The following WDR33 variants were observed in gnomAD, a reference collection of about 807,000 sequenced individuals.
The protein encoded by WDR33 is WD repeat domain 33.
Under a neutral mutation model 164.9 loss-of-function variants are expected in WDR33, and 47 were observed. The observed-to-expected ratio is 0.29, with a 90% CI of 0.23 to 0.36. The LOEUF (loss-of-function observed/expected upper bound fraction) is 0.36, where lower values mean the gene tolerates loss of function less well. WDR33 is among the 10% of genes least tolerant of loss of function. WDR33 has a pLI of 1.00. For missense variants in WDR33, 1,137 were observed against 1,754.1 expected (o/e 0.65, Z 6.28); for synonymous variants, 505 against 589.0 (o/e 0.86, Z 2.06).
At position 127,719,360 on chromosome 2, in the gene WDR33, G is replaced by A; in HGVS notation, c.2665C>T (p.Pro889Ser). The A allele has an allele frequency of 6.6e-7, 1 of 1,510,794 alleles. No individual in the cohort carries two copies. Among genetic ancestry groups the A allele is most frequent in the Non-Finnish European group, 8.8e-7 (1 of 1,130,976 alleles). The allele number at this position is 1,510,794 out of a possible 1,614,324, so 93.6% of individuals were successfully genotyped here. ...TGAGATGGATGTGGCCCTCTTGCTG[G>A]GTTCTGCTGTCCCTGAGGTCCGGGG... ...GPPGPQGQQN[P>S]ARGPHPSQGP... Residue 889 changes from proline to serine, a missense_variant, in exon 16 of 22, where the codon CCA becomes TCA. By Grantham distance (74) the Pro-to-Ser change is moderately conservative. Around this residue, in one of 9 missense-constraint regions of WDR33, gnomAD observed 867 missense variants for 1,073.0 expected, o/e 0.81. Coordinates refer to ENST00000322313, the MANE Select transcript of WDR33 (RefSeq NM_018383.5). The surrounding 1 kb of genome is among the most constrained non-coding windows in gnomAD (Gnocchi z 6.5).
Position 127,779,552 on chromosome 2 carries a change from T to G in WDR33, c.-23-8548A>C, listed in dbSNP as rs1688300925. ...TGTGCAACTACTGTTTCTATTGTGT[T>G]TGTGTGTATGCATACAGGGTCACAA... On this transcript the variant is annotated intron_variant, in intron 1 of 21. Coordinates refer to ENST00000322313, the MANE Select transcript of WDR33 (RefSeq NM_018383.5). Among the ~76,000 whole-genome samples the G allele has an allele frequency of 2.0e-5, 3 of 152,214 alleles. No individual in the cohort carries two copies. The South Asian group carries it at 6.2e-4, about 31-fold the overall frequency.
rs771528012 is a variant in WDR33, at chr2:127,708,883, T to G, written c.3575A>C (p.His1192Pro). The G allele has an allele frequency of 6.4e-7, 1 of 1,565,142 alleles. No individual in the cohort carries two copies. The highest frequency in any genetic ancestry group is 8.7e-7 in the Non-Finnish European group (1 of 1,150,924). Residue 1192 changes from histidine (H) to proline (P), a missense_variant, in exon 21 of 22, where the codon CAT becomes CCT. Around this residue, in one of 9 missense-constraint regions of WDR33, gnomAD observed 867 missense variants for 1,073.0 expected, o/e 0.81. Transcript: ENST00000322313. This position sits in a 1 kb window ranked among gnomAD's most constrained non-coding sequence, Gnocchi z 6.7. The stretch of plus-strand genomic sequence containing the variant: ...GCGGGGAGTATCACGAAAATGTTCA[T>G]GACCTGGCCCTGAAACAAGAAACAA... The part of the protein sequence containing the change: ...WDGNREPGPG[H>P]EHFRDTPRPD...
chr2:127,763,400 A>G lies in WDR33; in HGVS notation c.627-241T>C. ...AGTATTCTGAGAACTTCAAGTGTGT[A>G]TTATTAGTGCTAATGCTATCCATGT... On this transcript the variant is annotated intron_variant, in intron 6 of 21. Transcript: ENST00000322313. This position sits in a 1 kb window ranked among gnomAD's most constrained non-coding sequence, Gnocchi z 4.5. The G allele has an allele frequency of 7.5e-7, 1 of 1,332,828 alleles. No individual in the cohort carries two copies. The highest frequency in any genetic ancestry group is 9.6e-7 in the Non-Finnish European group (1 of 1,037,216). The allele number at this position is 1,332,828 out of a possible 1,614,324, so 82.6% of individuals were successfully genotyped here.
Position 127,717,061 on chromosome 2 carries a change from A to C in WDR33, c.2869+94T>G. The C allele has an allele frequency of 7.9e-7, 1 of 1,266,996 alleles. No homozygotes were observed. Among genetic ancestry groups the C allele is most frequent in the Non-Finnish European group, 1.1e-6 (1 of 889,632 alleles). The allele number at this position is 1,266,996 out of a possible 1,614,324, so 78.5% of individuals were successfully genotyped here. The stretch of plus-strand genomic sequence containing the variant: ...ATTTTGCCCAGAGGTTCAAATGACC[A>C]GTCTATCAATGACTGGCCAACAAAA... On this transcript the variant is annotated intron_variant, in intron 17 of 21. Coordinates refer to ENST00000322313, the MANE Select transcript of WDR33 (RefSeq NM_018383.5). This position sits in a 1 kb window ranked among gnomAD's most constrained non-coding sequence, Gnocchi z 5.6.
intron 18 of WDR33, among the ~76,000 whole-genome samples, chr2:127,711,981 C>T (rs1201132470): frequency 1.4e-5 from 2 of 146,702 alleles, no homozygotes; most frequent in African/African-American, 5.0e-5. Flanking sequence ...ACCATGTTGG[C>T]CAGGCTGGTC....
chr2:127,794,758 C>T (rs1325381030), intron 1 of WDR33, among the ~76,000 whole-genome samples: 2 of 141,766 alleles, frequency 1.4e-5, no homozygotes, highest in Non-Finnish European at 3.0e-5. Context: ...TGCTTGAACC[C>T]AGGAGGCAGA....
At chr2:127,737,077 G>A in intron 7 of WDR33, 1 of 985,360 alleles carries the variant, frequency 1.0e-6, no homozygotes, top group South Asian at 4.7e-5. Context: ...TTTGCAGTAT[G>A]TTTTGTGCTA....
chr2:127,717,340 A>G lies in WDR33; in HGVS notation c.2761-77T>C. ...TAAATAGTGATTGCATTATAACATGACAAGATAAAAATACCCAGTAAATAT... is the reference window on the plus strand; with the variant it reads ...TAAATAGTGATTGCATTATAACATGGCAAGATAAAAATACCCAGTAAATAT... On this transcript the variant is annotated intron_variant, in intron 16 of 21. Coordinates refer to ENST00000322313, the MANE Select transcript of WDR33 (RefSeq NM_018383.5). This position sits in a 1 kb window ranked among gnomAD's most constrained non-coding sequence, Gnocchi z 5.6. The G allele has an allele frequency of 8.1e-7, 1 of 1,234,648 alleles. No homozygotes were observed. The highest frequency in any genetic ancestry group is 1.5e-5 in the South Asian group (1 of 64,532). 76.5% of individuals were successfully genotyped at this position (1,234,648 alleles called of 1,614,324 possible).
chr2:127,802,146 G>A (rs1689271564), intron 1 of WDR33, among the ~76,000 whole-genome samples: 3 of 151,282 alleles, frequency 2.0e-5, no homozygotes, highest in African/African-American at 7.3e-5. Flanking sequence ...CCAGCCTGGA[G>A]GAGAGAGCAA....
intron 1 of WDR33, among the ~76,000 whole-genome samples, chr2:127,789,835 T>TA (rs1251374912): frequency 3.6e-4 from 55 of 151,332 alleles, no homozygotes; most frequent in African/African-American, 1.1e-3. Flanking sequence ...ACTGGTTTGC[T>TA]AAAAAAAAAT....
Position 127,763,250 on chromosome 2 carries a change from C to T in WDR33, c.627-91G>A. 1 of 1,591,312 alleles carries T rather than the reference C, an allele frequency of 6.3e-7. No homozygotes were observed. Among genetic ancestry groups the T allele is most frequent in the Non-Finnish European group, 8.6e-7 (1 of 1,167,536 alleles). On this transcript the variant is annotated intron_variant, in intron 6 of 21. Transcript: ENST00000322313. This position sits in a 1 kb window ranked among gnomAD's most constrained non-coding sequence, Gnocchi z 4.5. The stretch of plus-strand genomic sequence containing the variant: ...GACAGGGAAAAATAAAAACACTGTG[C>T]TGCATTATAAACAGGAGAGGGAAGA...
At chr2:127,788,033 C>T (rs1688662286) in intron 1 of WDR33, among the ~76,000 whole-genome samples, 1 of 86,434 alleles carries the variant, frequency 1.2e-5, no homozygotes, top group African/African-American at 6.1e-5. Context: ...ACACCCCCCA[C>T]CTCCCTCCCG....
In WDR33 at chr2:127,787,171, G is replaced by A. The variant is rs550940997; in HGVS notation, c.-23-16167C>T. 9.1e-3 allele frequency among the ~76,000 whole-genome samples: 831 copies of A among 91,404 alleles called. 11 individuals are homozygous for A. Among genetic ancestry groups the A allele is most frequent in the Non-Finnish European group, 0.014 (679 of 47,094 alleles). The allele number at this position is 91,404 out of a possible 152,430, so 60.0% of individuals were successfully genotyped here. ...ACATGTTTCAGAGAGCACAGGGTTG[G>A]GGGTAAGGTCACAGATCAACAGGAT... On this transcript the variant is annotated intron_variant, in intron 1 of 21. Transcript: ENST00000322313.
chr2:127,743,785 T>C (rs1226619094), intron 7 of WDR33, among the ~76,000 whole-genome samples: 3 of 152,192 alleles, frequency 2.0e-5, no homozygotes, highest in African/African-American at 7.2e-5. Context: ...CAATTCATTA[T>C]GACAAAAACG....
chr2:127,734,424 T>C (rs2105394693), intron 7 of WDR33, among the ~76,000 whole-genome samples: 1 of 152,346 alleles, frequency 6.6e-6, no homozygotes, highest in South Asian at 2.1e-4. Flanking sequence ...TAGATTAACC[T>C]GTGTCTAATA....
chr2:127,720,311 T>G lies in WDR33; in HGVS notation c.1714A>C (p.Ile572Leu). ...GTGCCAGATGAGGGAGGAGGCTGAA[T>G]TTGCTCAACTTGTTTCTGTGCAAGT... ...ERLAQKQVEQ[I>L]QPPPSSGTPL... Residue 572 changes from isoleucine to leucine, a missense_variant, in exon 16 of 22, where the codon ATT becomes CTT. Around this residue, in one of 9 missense-constraint regions of WDR33, gnomAD observed 867 missense variants for 1,073.0 expected, o/e 0.81. Transcript: ENST00000322313. This position sits in a 1 kb window ranked among gnomAD's most constrained non-coding sequence, Gnocchi z 5.9. 6.6e-7 allele frequency: 1 copy of G among 1,514,220 alleles called. No homozygotes were observed. The highest frequency in any genetic ancestry group is 8.8e-7 in the Non-Finnish European group (1 of 1,132,366). The allele number at this position is 1,514,220 out of a possible 1,614,324, so 93.8% of individuals were successfully genotyped here. A position where few individuals can be genotyped will look rare whatever the true frequency, so the allele number is the denominator to read the frequency against.
rs1371568303 is a variant in WDR33 at position 127,717,454 on chromosome 2, A to G, written c.2761-191T>C. Among the ~76,000 whole-genome samples, 1 of 152,238 alleles carries G rather than the reference A, an allele frequency of 6.6e-6. No individual in the cohort carries two copies. Among genetic ancestry groups the G allele is most frequent in the African/African-American group, 2.4e-5 (1 of 41,468 alleles). The stretch of plus-strand genomic sequence containing the variant: ...ATAATAATTTTTTTAAAGCACCTGT[A>G]TTTTAAACCTGTTGACAACTTTTAT... On this transcript the variant is annotated intron_variant, in intron 16 of 21. Transcript: ENST00000322313. This position sits in a 1 kb window ranked among gnomAD's most constrained non-coding sequence, Gnocchi z 5.6.
In WDR33 at chr2:127,701,874, TCGGCGC is replaced by T; in HGVS notation, c.*4443_*4448del. ...GTTCGCGCTGCTCTGGTCACTGGGC[TCGGCGC>T]TGGCGTTGGCGGGAAGCGCGCTGCT... On this transcript the variant is annotated 3_prime_UTR_variant, in exon 22 of 22. Coordinates refer to ENST00000322313, the MANE Select transcript of WDR33 (RefSeq NM_018383.5). 8.9e-6 allele frequency: 13 copies of T among 1,459,586 alleles called. No homozygotes were observed. The highest frequency in any genetic ancestry group is 1.2e-5 in the Non-Finnish European group (13 of 1,111,462). 90.4% of individuals were successfully genotyped at this position (1,459,586 alleles called of 1,614,324 possible).
chr2:127,785,887 C>T (rs1488404441), intron 1 of WDR33, among the ~76,000 whole-genome samples: 2 of 152,220 alleles, frequency 1.3e-5, no homozygotes, highest in Admixed American at 6.5e-5. Flanking sequence ...TTGTAAGAAA[C>T]TGCCTAACTA....
Sources: allele counts gnomAD v4.1 joint callset (sites outside exome capture counted in the v4.1 genomes callset), GRCh38; gene constraint gnomAD v4.1.1; regional missense constraint gnomAD v4.1.1; non-coding constraint Gnocchi (gnomAD v3.1); transcripts MANE v1.5; gene names NCBI Gene and HGNC (gene_info 2026-07-23, HGNC 2026-07-21).